PDSS2: variants seen among roughly 807,000 people sequenced by gnomAD.
The protein encoded by PDSS2 is decaprenyl diphosphate synthase subunit 2, also known as all trans-polyprenyl-diphosphate synthase PDSS2.
In PDSS2, 31 loss-of-function variants were observed where a neutral mutation model predicts 44.5. The ratio of observed to expected loss-of-function variants is 0.70; its 90% CI spans 0.52 to 0.94. The LOEUF is 0.94. Among genes scored for constraint, PDSS2 ranks in the 40% least tolerant of loss-of-function variants. The probability of loss-of-function intolerance (pLI) is 0.00; values close to 1 mark genes in which losing one functional copy is unlikely to be tolerated. For synonymous variants in PDSS2, 157 were observed against 180.3 expected (o/e 0.87, Z 1.03); for missense variants, 452 against 482.2 (o/e 0.94, Z 0.59).
At chr6:107,354,274 T>A (rs1310836110) in intron 1 of PDSS2, among the ~76,000 whole-genome samples, 2 of 152,204 alleles carry the variant, frequency 1.3e-5, no homozygotes, top group African/African-American at 4.8e-5. Context: ...GAGAACATAA[T>A]AGATTGAAAT....
At chr6:107,450,434 A>G (rs1781829294) in intron 1 of PDSS2, among the ~76,000 whole-genome samples, 1 of 152,234 alleles carries the variant, frequency 6.6e-6, no homozygotes, top group Admixed American at 6.5e-5. Flanking sequence ...GGTGGGAACC[A>G]TGATACTGAA....
chr6:107,339,424 CAATT>C (rs1778008706), intron 1 of PDSS2, among the ~76,000 whole-genome samples: 1 of 152,150 alleles, frequency 6.6e-6, no homozygotes, highest in Non-Finnish European at 1.5e-5. Context: ...TTCATTCATT[CAATT>C]AATAAGACTG....
chr6:107,342,987 A>G (rs1778127426), intron 1 of PDSS2, among the ~76,000 whole-genome samples: 1 of 151,978 alleles, frequency 6.6e-6, no homozygotes, highest in African/African-American at 2.4e-5. Context: ...TTATTTTTTT[A>G]ATTTATTTCT....
intron 4 of PDSS2, among the ~76,000 whole-genome samples, chr6:107,225,166 T>TATATATATATATA (rs1773771631): frequency 2.6e-5 from 1 of 38,810 alleles, no homozygotes; most frequent in African/African-American, 1.4e-4. Flanking sequence ...TATATATTTT[T>TATATATATATATA]TTTTTTTTTT....
chr6:107,249,929 C>T (rs760049884), intron 3 of PDSS2, among the ~76,000 whole-genome samples: 40 of 152,160 alleles, frequency 2.6e-4, no homozygotes, highest in Non-Finnish European at 5.4e-4. Context: ...ACATAATTAA[C>T]CTTTGTGATG....
intron 2 of PDSS2, among the ~76,000 whole-genome samples, chr6:107,292,188 A>G (rs1776370394): frequency 1.3e-5 from 2 of 152,034 alleles, no homozygotes; most frequent in African/African-American, 4.8e-5. Flanking sequence ...AGAAAAACAA[A>G]TATAAAGACA....
At chr6:107,235,779 A>G (rs1420012031) in intron 4 of PDSS2, among the ~76,000 whole-genome samples, 1 of 152,206 alleles carries the variant, frequency 6.6e-6, no homozygotes. Context: ...CAGGGATATT[A>G]AAACAGTTTT....
At chr6:107,304,339 ATTTAC>A (rs1378519932) in intron 2 of PDSS2, among the ~76,000 whole-genome samples, 1 of 152,248 alleles carries the variant, frequency 6.6e-6, no homozygotes, top group African/African-American at 2.4e-5. Context: ...AACTTCAGTT[ATTTAC>A]TTATCACTTT....
At chr6:107,159,939 G>A (rs1393015046) in intron 7 of PDSS2, among the ~76,000 whole-genome samples, 2 of 152,064 alleles carry the variant, frequency 1.3e-5, no homozygotes, top group Non-Finnish European at 2.9e-5. Context: ...GGGATGGCTG[G>A]GTGCGGTGGC....
intron 3 of PDSS2, among the ~76,000 whole-genome samples, chr6:107,257,453 C>G (rs975207012): frequency 7.9e-5 from 12 of 151,990 alleles, no homozygotes; most frequent in Admixed American, 7.2e-4. Flanking sequence ...TGGAGGATTA[C>G]CTGAGCCTGT....
Position 107,274,039 on chromosome 6 carries a change from T to C in PDSS2, c.620A>G (p.Gln207Arg), listed in dbSNP as rs79101673. Reference sequence around the variant, plus strand: ...CCTGCCCAATTTTACCTTGGTGTTCTGTAGCAGAGCTAGTCCATTGCAGGC... The same window carrying C: ...CCTGCCCAATTTTACCTTGGTGTTCCGTAGCAGAGCTAGTCCATTGCAGGC... The part of the protein sequence containing the change: ...ANACNGLALL[Q>R]NTKVVELLAS... The change falls in exon 3 of 8, where the codon CAG becomes CGG. Residue 207 changes from glutamine (Q) to arginine (R), a missense_variant. Transcript: ENST00000369037. The C allele has an allele frequency of 1.9e-6, 3 of 1,613,972 alleles. No homozygotes were observed. Among genetic ancestry groups the C allele is most frequent in the East Asian group, 4.5e-5 (2 of 44,880 alleles).
At chr6:107,164,545 T>C (rs1195134292) in intron 7 of PDSS2, among the ~76,000 whole-genome samples, 2 of 152,230 alleles carry the variant, frequency 1.3e-5, no homozygotes, top group Non-Finnish European at 2.9e-5. Context: ...AGGTGCCACA[T>C]TTTATCAATC....
chr6:107,386,841 T>C (rs1163145266), intron 1 of PDSS2, among the ~76,000 whole-genome samples: 3 of 152,328 alleles, frequency 2.0e-5, no homozygotes, highest in South Asian at 2.1e-4. Flanking sequence ...TTTAGTAATA[T>C]GAGAAACCTT....
intron 2 of PDSS2, among the ~76,000 whole-genome samples, chr6:107,319,671 A>C (rs1342649500): frequency 6.6e-6 from 1 of 152,228 alleles, no homozygotes; most frequent in Non-Finnish European, 1.5e-5. Context: ...CTTTCAGCCA[A>C]AGCGCTGCAG....
intron 1 of PDSS2, among the ~76,000 whole-genome samples, chr6:107,364,004 G>C (rs1778873643): frequency 6.6e-6 from 1 of 151,250 alleles, no homozygotes; most frequent in Non-Finnish European, 1.5e-5. Flanking sequence ...TGCAATCCCT[G>C]AGCTAGACAT....
chr6:107,201,613 A>G (rs999347338), intron 6 of PDSS2, among the ~76,000 whole-genome samples: 2 of 152,318 alleles, frequency 1.3e-5, no homozygotes, highest in Middle Eastern at 6.8e-3. Flanking sequence ...ACTGTTTCCA[A>G]TTTCCAACTA....
chr6:107,348,114 G>A (rs979008503), intron 1 of PDSS2, among the ~76,000 whole-genome samples: 9 of 152,118 alleles, frequency 5.9e-5, no homozygotes, highest in Non-Finnish European at 1.3e-4. Flanking sequence ...GATATCTATC[G>A]GCCTATCTTT....
intron 1 of PDSS2, among the ~76,000 whole-genome samples, chr6:107,388,848 G>C (rs1271563843): frequency 6.6e-6 from 1 of 152,016 alleles, no homozygotes; most frequent in African/African-American, 2.4e-5. Context: ...AACAAATTGT[G>C]GTATATCCAT....
intron 1 of PDSS2, among the ~76,000 whole-genome samples, chr6:107,343,385 T>C (rs1778139816): frequency 6.6e-6 from 1 of 152,210 alleles, no homozygotes; most frequent in Admixed American, 6.5e-5. Flanking sequence ...AAATGCTGAC[T>C]GCAACCTGCT....
Sources: gnomAD v4.1 joint callset for allele counts (sites outside exome capture counted in the v4.1 genomes callset) on GRCh38, gnomAD v4.1.1 for gene constraint, MANE v1.5 for transcripts, NCBI Gene and HGNC (gene_info 2026-07-23, HGNC 2026-07-21) for gene names.